RNF150: variants seen among roughly 807,000 people sequenced by gnomAD.
RNF150 encodes the protein ring finger protein 150.
In RNF150, 24 loss-of-function variants were observed where a neutral mutation model predicts 39.3. That is an observed-to-expected ratio of 0.61 (90% CI 0.44 to 0.86). RNF150 has a LOEUF of 0.86. RNF150 is among the 40% of genes least tolerant of loss of function. The probability of loss-of-function intolerance (pLI) is 0.00; values close to 1 mark genes in which losing one functional copy is unlikely to be tolerated. For missense variants in RNF150, 502 were observed against 587.8 expected (o/e 0.85, Z 1.51); for synonymous variants, 255 against 227.3 (o/e 1.12, Z -1.10).
chr4:140,985,981 C>G (rs1325564251), intron 1 of RNF150, among the ~76,000 whole-genome samples: 1 of 152,070 alleles, frequency 6.6e-6, no homozygotes, highest in Non-Finnish European at 1.5e-5. Flanking sequence ...AAATAACACC[C>G]TCTCCACTAA....
At chr4:141,027,387 TA>T (rs1478165508) in intron 1 of RNF150, among the ~76,000 whole-genome samples, 2 of 152,220 alleles carry the variant, frequency 1.3e-5, no homozygotes, top group African/African-American at 4.8e-5. Flanking sequence ...ATAGGTTATA[TA>T]TTCACATTGT....
At chr4:141,155,232 T>C (rs1262056231) in intron 1 of RNF150, among the ~76,000 whole-genome samples, 6 of 150,494 alleles carry the variant, frequency 4.0e-5, no homozygotes, top group Non-Finnish European at 8.8e-5. Flanking sequence ...ACTACAGGCA[T>C]GCACCACCAC....
rs573982906 is a variant in RNF150, at chr4:141,132,145, C to A, written c.484+180G>T. ...CTCTCCCCTACCCAATACAGTTAAT[C>A]TTCTCCTCTTTGTAAACCCCCCAAG... On this transcript the variant is annotated intron_variant, in intron 1 of 6. Transcript: ENST00000515673. The surrounding 1 kb of genome is among the most constrained non-coding windows in gnomAD (Gnocchi z 4.9). 6.6e-6 allele frequency among the ~76,000 whole-genome samples: 1 copy of A among 152,220 alleles called. No individual in the cohort carries two copies.
At chr4:141,080,876 A>G (rs960809596) in intron 1 of RNF150, among the ~76,000 whole-genome samples, 1 of 152,190 alleles carries the variant, frequency 6.6e-6, no homozygotes, top group African/African-American at 2.4e-5. Flanking sequence ...GGAATTCCAG[A>G]AGCAGGGGGC....
intron 1 of RNF150, among the ~76,000 whole-genome samples, chr4:141,037,896 A>G (rs769746402): frequency 8.5e-5 from 13 of 152,248 alleles, no homozygotes; most frequent in Non-Finnish European, 2.9e-5. Flanking sequence ...CCACCCAGAT[A>G]CATCTATTTT....
intron 6 of RNF150, among the ~76,000 whole-genome samples, chr4:140,877,028 C>T (rs913618675): frequency 2.0e-5 from 3 of 152,150 alleles, no homozygotes; most frequent in African/African-American, 7.2e-5. Context: ...AAGGAGAATT[C>T]CCTGTATATT....
intron 4 of RNF150, among the ~76,000 whole-genome samples, chr4:140,931,791 G>C (rs1223219325): frequency 6.6e-6 from 1 of 152,234 alleles, no homozygotes; most frequent in Non-Finnish European, 1.5e-5. Flanking sequence ...GAAAACAGAG[G>C]ATGCAGACAA....
At chr4:141,036,381 T>A (rs1370662073) in intron 1 of RNF150, among the ~76,000 whole-genome samples, 1 of 152,196 alleles carries the variant, frequency 6.6e-6, no homozygotes, top group Non-Finnish European at 1.5e-5. Context: ...TTATTTTTCC[T>A]TCTGGTAAAA....
chr4:140,977,833 C>T (rs547598469), intron 1 of RNF150, among the ~76,000 whole-genome samples: 13 of 152,238 alleles, frequency 8.5e-5, no homozygotes, highest in African/African-American at 1.4e-4. Context: ...CTTGCACATA[C>T]GATTCCAAAG....
chr4:140,930,494 G>A (rs921857657), intron 4 of RNF150, among the ~76,000 whole-genome samples: 4 of 152,138 alleles, frequency 2.6e-5, no homozygotes, highest in South Asian at 2.1e-4. Context: ...AACAGTTCCC[G>A]ACACACAGCT....
chr4:141,080,475 T>A (rs949285517), intron 1 of RNF150, among the ~76,000 whole-genome samples: 2 of 152,228 alleles, frequency 1.3e-5, no homozygotes, highest in African/African-American at 4.8e-5. Context: ...CAAGATACAG[T>A]GATGTGAGTG....
At chr4:140,988,215 A>T (rs1434404352) in intron 1 of RNF150, among the ~76,000 whole-genome samples, 1 of 152,182 alleles carries the variant, frequency 6.6e-6, no homozygotes, top group African/African-American at 2.4e-5. Flanking sequence ...AGAACTAAAA[A>T]CAGAACTACC....
chr4:140,960,616 T>C (rs1333998754), intron 2 of RNF150, among the ~76,000 whole-genome samples: 4 of 152,120 alleles, frequency 2.6e-5, no homozygotes, highest in Admixed American at 2.0e-4. Context: ...TGATCAACAA[T>C]GGCCAATAAT....
intron 6 of RNF150, among the ~76,000 whole-genome samples, chr4:140,907,168 A>G (rs1433698209): frequency 6.6e-6 from 1 of 152,144 alleles, no homozygotes; most frequent in African/African-American, 2.4e-5. Flanking sequence ...TTGAGAAGTT[A>G]AAGGCAAAGT....
Position 141,115,475 on chromosome 4 carries a change from G to A in RNF150, c.484+16850C>T, listed in dbSNP as rs138905997. On this transcript the variant is annotated intron_variant, in intron 1 of 6. Transcript: ENST00000515673. ...TCTTCAAGGAGAACTACAAACCACCGCTCAAGGAAATAAGAGAGGACACAA... is the reference window on the plus strand; with the variant it reads ...TCTTCAAGGAGAACTACAAACCACCACTCAAGGAAATAAGAGAGGACACAA... Among the ~76,000 whole-genome samples, 1,209 of 152,196 alleles carry A rather than the reference G, an allele frequency of 7.9e-3. 5 individuals carry two copies. The highest frequency in any genetic ancestry group is 0.013 in the Non-Finnish European group (917 of 68,010).
At chr4:140,963,457 G>T (rs924067826) in intron 2 of RNF150, among the ~76,000 whole-genome samples, 2 of 152,056 alleles carry the variant, frequency 1.3e-5, no homozygotes, top group Admixed American at 6.6e-5. Flanking sequence ...CTGAGGAACA[G>T]AATTTTGAAG....
In RNF150 at chr4:141,141,949, T is replaced by G. The variant is rs74471979; in HGVS notation, c.-6+70845A>C. Reference sequence around the variant, plus strand: ...AGGACAATTCTCTCTCGCATTCATATAATTATTTTTATATTAGCCAAGATG... The same window carrying G: ...AGGACAATTCTCTCTCGCATTCATAGAATTATTTTTATATTAGCCAAGATG... On this transcript the variant is annotated intron_variant, in intron 1 of 7. Coordinates refer to the RNF150 transcript ENST00000420921. Among the ~76,000 whole-genome samples the G allele has an allele frequency of 1.1e-3, 171 of 152,330 alleles. 3 individuals carry two copies. In the East Asian group the frequency reaches 0.03, roughly 27 times the overall value.
chr4:140,878,625 T>C (rs1729260525), intron 6 of RNF150, among the ~76,000 whole-genome samples: 1 of 152,228 alleles, frequency 6.6e-6, no homozygotes, highest in East Asian at 1.9e-4. Context: ...TAATTTGAGT[T>C]GTAGGAGTTC....
intron 1 of RNF150, among the ~76,000 whole-genome samples, chr4:141,177,139 G>T (rs565776130): frequency 3.3e-5 from 5 of 152,130 alleles, no homozygotes; most frequent in Admixed American, 3.3e-4. Flanking sequence ...GGCTGAGGTG[G>T]GAGAATCCCT....
Sources: gnomAD v4.1 joint callset for allele counts (sites outside exome capture counted in the v4.1 genomes callset) on GRCh38, gnomAD v4.1.1 for gene constraint, Gnocchi (gnomAD v3.1) non-coding constraint, MANE v1.5 for transcripts, NCBI Gene and HGNC (gene_info 2026-07-23, HGNC 2026-07-21) for gene names.